PIGW: variants seen among roughly 807,000 people sequenced by gnomAD.
PIGW encodes the protein phosphatidylinositol glycan anchor biosynthesis class W.
A neutral mutation model predicts 34.0 loss-of-function variants in PIGW; 23 were observed. The observed-to-expected ratio is 0.68, with a 90% CI of 0.49 to 0.96. The LOEUF (loss-of-function observed/expected upper bound fraction) is 0.96. PIGW is among the 40% of genes least tolerant of loss of function. The pLI is 0.00. For missense variants in PIGW, 574 were observed against 586.3 expected (o/e 0.98, Z 0.22); for synonymous variants, 225 against 225.2 (o/e 1.00, Z 0.01).
Position 36,537,691 on chromosome 17 carries a change from A to C in PIGW, c.590A>C (p.His197Pro). 2 of 1,614,102 alleles carry C rather than the reference A, an allele frequency of 1.2e-6. No homozygotes were observed. The highest frequency in any genetic ancestry group is 1.7e-6 in the Non-Finnish European group (2 of 1,180,024). ...AAATATATGGAAGGGTCCAAATTGC[A>C]TTACTTTACAAACTCATTGTACTCT... ...RRKYMEGSKL[H>P]YFTNSLYSVW... is the part of the protein sequence containing the mutation. The change falls in exon 2 of 2, where the codon CAT becomes CCT. Residue 197 changes from histidine to proline, a missense_variant. His to Pro is a moderately conservative substitution (Grantham distance 77, BLOSUM62 -2). Transcript: ENST00000614443.
rs1400263762 is a variant in PIGW at position 36,538,350 on chromosome 17, C to G, written c.1249C>G (p.Pro417Ala). The G allele has an allele frequency of 1.9e-6, 3 of 1,614,022 alleles. No homozygotes were observed. The highest frequency in any genetic ancestry group is 2.7e-5 in the African/African-American group (2 of 74,914). ...VPCSWKLIQSPVTNKKHSESL... is the reference protein window; with the variant it reads ...VPCSWKLIQSAVTNKKHSESL... ...ATGTTCTTGGAAACTTATCCAGTCA[C>G]CTGTTACAAATAAAAAGCATTCAGA... The change falls in exon 2 of 2, where the codon CCT (proline) becomes GCT (alanine). Residue 417 changes from proline (P) to alanine (A), a missense_variant. Coordinates refer to ENST00000614443, the MANE Select transcript of PIGW (RefSeq NM_001346754.2).
At position 36,538,530 on chromosome 17, in the gene PIGW, T is replaced by C; in HGVS notation, c.1429T>C (p.Leu477=). ...ATTACACAGCAGTACCTTGTGGGCC[T>C]TATTTGTGGTCAATCTCTATATGTT... is the stretch of plus-strand genomic sequence containing the variant. The part of the protein sequence containing the change: ...DTLHSSTLWA[L]FVVNLYMFSN... Residue 477 remains leucine, a synonymous_variant, in exon 2 of 2, where the codon TTA becomes CTA. Transcript: ENST00000614443. 1 of 1,613,824 alleles carries C rather than the reference T, an allele frequency of 6.2e-7. No individual in the cohort carries two copies. Among genetic ancestry groups the C allele is most frequent in the Non-Finnish European group, 8.5e-7 (1 of 1,179,734 alleles).
At position 36,538,450 on chromosome 17, in the gene PIGW, T is replaced by C. The variant is rs770443806; in HGVS notation, c.1349T>C (p.Ile450Thr). ...LITALNRKQL[I>T]FFLLSNITTG... ...ACAGCTCTAAACAGAAAACAGTTAA[T>C]ATTTTTCTTGCTGTCAAATATAACA... The change falls in exon 2 of 2, where the codon ATA (isoleucine) becomes ACA (threonine). Residue 450 changes from isoleucine (I) to threonine (T), a missense_variant. By Grantham distance (89) the Ile-to-Thr change is moderately conservative. Transcript: ENST00000614443. 6.2e-6 allele frequency: 10 copies of C among 1,614,190 alleles called. No individual in the cohort carries two copies. Among genetic ancestry groups the C allele is most frequent in the Non-Finnish European group, 8.5e-6 (10 of 1,180,028 alleles).
At position 36,538,943 on chromosome 17, in the gene PIGW, G is replaced by A. The variant is rs2074179862; in HGVS notation, c.*327G>A. 1 of 198,786 alleles carries A rather than the reference G, an allele frequency of 5.0e-6. No homozygotes were observed. Among genetic ancestry groups the A allele is most frequent in the South Asian group, 1.4e-4 (1 of 7,376 alleles). The allele number at this position is 198,786 out of a possible 1,614,324, so 12.3% of individuals were successfully genotyped here. On this transcript the variant is annotated 3_prime_UTR_variant, in exon 2 of 2. Coordinates refer to ENST00000614443, the MANE Select transcript of PIGW (RefSeq NM_001346754.2). ...TAATTTTTATATTTTTAGTAGAGAT[G>A]GGGTTTTGCCATATTGGCCAGGCTG...
chr17:36,535,666 T>C (rs952322316), intron 1 of PIGW, 74 bp downstream of exon 1: 8 of 152,416 alleles, frequency 5.2e-5, no homozygotes, highest in African/African-American at 1.9e-4. Flanking sequence ...TTTTTATGTT[T>C]ATTTTTTAAG....
At chr17:36,536,704 G>T (rs573810422) in intron 1 of PIGW, among the ~76,000 whole-genome samples, 5 of 151,742 alleles carry the variant, frequency 3.3e-5, no homozygotes, top group South Asian at 2.1e-4. Context: ...TAGTAGAGAC[G>T]GGCTTTCACC....
intron 1 of PIGW, 24 bp downstream of exon 1, chr17:36,535,616 C>T (rs910360677): frequency 2.0e-5 from 3 of 152,182 alleles, no homozygotes; most frequent in African/African-American, 7.2e-5. Flanking sequence ...ACGGGTAGGG[C>T]GCGGCCAGGT....
In PIGW at chr17:36,538,745, C is replaced by A; in HGVS notation, c.*129C>A. Reference sequence around the variant, plus strand: ...AAAATAGTTTCAGTCATCTAAACAGCAGTGATGCTTAATTATTTTTTTTTT... The same window carrying A: ...AAAATAGTTTCAGTCATCTAAACAGAAGTGATGCTTAATTATTTTTTTTTT... On this transcript the variant is annotated 3_prime_UTR_variant, in exon 2 of 2. Transcript: ENST00000614443. 2.5e-6 allele frequency: 2 copies of A among 792,680 alleles called. No individual in the cohort carries two copies. Among genetic ancestry groups the A allele is most frequent in the Non-Finnish European group, 3.9e-6 (2 of 511,252 alleles). 49.1% of individuals were successfully genotyped at this position (792,680 alleles called of 1,614,324 possible). A position where few individuals can be genotyped will look rare whatever the true frequency, so the allele number is the denominator to read the frequency against.
chr17:36,538,137 G>A lies in PIGW; in HGVS notation c.1036G>A (p.Ala346Thr), dbSNP rs760113520. 6 of 1,613,944 alleles carry A rather than the reference G, an allele frequency of 3.7e-6. No homozygotes were observed. The highest frequency in any genetic ancestry group is 1.7e-5 in the Admixed American group (1 of 59,994). ...LIKVACFLLL[A>T]AISLFISLYV... ...AAAAGTAGCCTGTTTTCTTTTACTG[G>A]CAGCTATTAGCCTCTTCATATCTCT... is the stretch of plus-strand genomic sequence containing the variant. The change falls in exon 2 of 2, where the codon GCA (alanine) becomes ACA (threonine). Residue 346 changes from alanine to threonine, a missense_variant. Ala to Thr is a moderately conservative substitution (Grantham distance 58). Coordinates refer to ENST00000614443, the MANE Select transcript of PIGW (RefSeq NM_001346754.2).
At position 36,537,468 on chromosome 17, in the gene PIGW, T is replaced by C. The variant is rs1437179220; in HGVS notation, c.367T>C (p.Ser123Pro). Residue 123 changes from serine (S) to proline (P), a missense_variant, in exon 2 of 2, where the codon TCA becomes CCA. Coordinates refer to ENST00000614443, the MANE Select transcript of PIGW (RefSeq NM_001346754.2). Reference sequence around the variant, plus strand: ...AAAATTCTTGAACATCAGTCTAGAATCAGAATACAATCCAGCCATCTCCTG... The same window carrying C: ...AAAATTCTTGAACATCAGTCTAGAACCAGAATACAATCCAGCCATCTCCTG... ...LEKFLNISLE[S>P]EYNPAISCFR... The C allele has an allele frequency of 1.2e-6, 2 of 1,614,214 alleles. No homozygotes were observed. The highest frequency in any genetic ancestry group is 1.1e-5 in the South Asian group (1 of 91,076).
chr17:36,537,174 G>A lies in PIGW; in HGVS notation c.73G>A (p.Gly25Arg), dbSNP rs765983481. Residue 25 changes from glycine (G) to arginine (R), a missense_variant, in exon 2 of 2, where the codon GGA (glycine) becomes AGA (arginine). Transcript: ENST00000614443. Reference sequence around the variant, plus strand: ...AACCACCGTGCTGGAAATCACCCAGGGATTGTGCTTTCCTGCATTCTGTAT... The same window carrying A: ...AACCACCGTGCTGGAAATCACCCAGAGATTGTGCTTTCCTGCATTCTGTAT... ...NGTTVLEITQ[G>R]LCFPAFCILC... is the part of the protein sequence containing the mutation. The A allele has an allele frequency of 6.2e-7, 1 of 1,614,008 alleles. No individual in the cohort carries two copies.
chr17:36,538,494 A>C lies in PIGW; in HGVS notation c.1393A>C (p.Met465Leu). Reference protein sequence around the residue: ...SNITTGLINLMVDTLHSSTLW... With the variant: ...SNITTGLINLLVDTLHSSTLW... ...TATAACAACTGGCCTGATCAACCTGATGGTAGATACATTACACAGCAGTAC... is the reference window on the plus strand; with the variant it reads ...TATAACAACTGGCCTGATCAACCTGCTGGTAGATACATTACACAGCAGTAC... Residue 465 changes from methionine to leucine, a missense_variant, in exon 2 of 2, where the codon ATG becomes CTG. Physicochemically the swap from Met to Leu is conservative, Grantham distance 15. Transcript: ENST00000614443. The C allele has an allele frequency of 6.2e-7, 1 of 1,613,934 alleles. No individual in the cohort carries two copies. Among genetic ancestry groups the C allele is most frequent in the Non-Finnish European group, 8.5e-7 (1 of 1,179,802 alleles).
Position 36,538,631 on chromosome 17 carries a change from A to T in PIGW, c.*15A>T, listed in dbSNP as rs750274624. ...AATTTTGGTGATCAGCAGGAGTAGGATATATAAGTATTTGGGCAATATTTA... is the reference window on the plus strand; with the variant it reads ...AATTTTGGTGATCAGCAGGAGTAGGTTATATAAGTATTTGGGCAATATTTA... On this transcript the variant is annotated 3_prime_UTR_variant, in exon 2 of 2. Transcript: ENST00000614443. 8 of 1,527,686 alleles carry T rather than the reference A, an allele frequency of 5.2e-6. No individual in the cohort carries two copies. The South Asian group carries it at 9.7e-5, about 18-fold the overall frequency. The allele number at this position is 1,527,686 out of a possible 1,614,324, so 94.6% of individuals were successfully genotyped here. A position where few individuals can be genotyped will look rare whatever the true frequency, so the allele number is the denominator to read the frequency against.
In PIGW at chr17:36,537,480, C is replaced by G; in HGVS notation, c.379C>G (p.Pro127Ala). Residue 127 changes from proline to alanine, a missense_variant, in exon 2 of 2, where the codon CCA (proline) becomes GCA (alanine). Physicochemically the swap from Pro to Ala is conservative, Grantham distance 27 (BLOSUM62 -1). Coordinates refer to ENST00000614443, the MANE Select transcript of PIGW (RefSeq NM_001346754.2). ...LNISLESEYN[P>A]AISCFRVITS... ...CATCAGTCTAGAATCAGAATACAAT[C>G]CAGCCATCTCCTGTTTCCGTGTAAT... The G allele has an allele frequency of 6.2e-7, 1 of 1,614,154 alleles. No homozygotes were observed. The highest frequency in any genetic ancestry group is 8.5e-7 in the Non-Finnish European group (1 of 1,180,030).
Position 36,535,027 on chromosome 17 carries a change from C to T in PIGW, c.-574C>T, listed in dbSNP as rs904777983. Reference sequence around the variant, plus strand: ...CGCGCACGTGGCTTGGCCGGGACGCCTGGTCCGGCTTGCTGGCTTCAACTA... The same window carrying T: ...CGCGCACGTGGCTTGGCCGGGACGCTTGGTCCGGCTTGCTGGCTTCAACTA... On this transcript the variant is annotated 5_prime_UTR_variant, in exon 1 of 2. Transcript: ENST00000614443. 2 of 152,374 alleles carry T rather than the reference C, an allele frequency of 1.3e-5. No individual in the cohort carries two copies. The highest frequency in any genetic ancestry group is 2.9e-5 in the Non-Finnish European group (2 of 68,138). 9.4% of individuals were successfully genotyped at this position (152,374 alleles called of 1,614,324 possible).
In PIGW at chr17:36,538,726, G is replaced by A; in HGVS notation, c.*110G>A. 1.1e-6 allele frequency: 1 copy of A among 934,040 alleles called. No homozygotes were observed. The highest frequency in any genetic ancestry group is 1.6e-6 in the Non-Finnish European group (1 of 631,960). The allele number at this position is 934,040 out of a possible 1,614,324, so 57.9% of individuals were successfully genotyped here. A position where few individuals can be genotyped will look rare whatever the true frequency, so the allele number is the denominator to read the frequency against. The stretch of plus-strand genomic sequence containing the variant: ...GTTAACCATATTTTATTATAAAATA[G>A]TTTCAGTCATCTAAACAGCAGTGAT... On this transcript the variant is annotated 3_prime_UTR_variant, in exon 2 of 2. Coordinates refer to ENST00000614443, the MANE Select transcript of PIGW (RefSeq NM_001346754.2).
chr17:36,538,358 A>T lies in PIGW; in HGVS notation c.1257A>T (p.Thr419=), dbSNP rs775967256. 1 of 1,614,176 alleles carries T rather than the reference A, an allele frequency of 6.2e-7. No individual in the cohort carries two copies. The highest frequency in any genetic ancestry group is 1.7e-5 in the Admixed American group (1 of 60,024). ...CSWKLIQSPV[T]NKKHSESLVP... The stretch of plus-strand genomic sequence containing the variant: ...GGAAACTTATCCAGTCACCTGTTAC[A>T]AATAAAAAGCATTCAGAATCTCTAG... Residue 419 remains threonine (T), a synonymous_variant, in exon 2 of 2, where the codon ACA becomes ACT. Coordinates refer to ENST00000614443, the MANE Select transcript of PIGW (RefSeq NM_001346754.2).
chr17:36,535,654 T>C (rs1715246485), intron 1 of PIGW, 62 bp downstream of exon 1: 6 of 152,230 alleles, frequency 3.9e-5, no homozygotes, highest in Admixed American at 1.3e-4. Context: ...AAAGACTTTT[T>C]ATTTTTATGT....
rs1481195498 is a variant in PIGW, at chr17:36,538,759, T to G, written c.*143T>G. 1.3e-6 allele frequency: 1 copy of G among 758,052 alleles called. No homozygotes were observed. Among genetic ancestry groups the G allele is most frequent in the African/African-American group, 1.8e-5 (1 of 55,770 alleles). 47.0% of individuals were successfully genotyped at this position (758,052 alleles called of 1,614,324 possible). A position where few individuals can be genotyped will look rare whatever the true frequency, so the allele number is the denominator to read the frequency against. On this transcript the variant is annotated 3_prime_UTR_variant, in exon 2 of 2. Transcript: ENST00000614443. Reference sequence around the variant, plus strand: ...CATCTAAACAGCAGTGATGCTTAATTATTTTTTTTTTTGAGACAGAGTCTT... The same window carrying G: ...CATCTAAACAGCAGTGATGCTTAATGATTTTTTTTTTTGAGACAGAGTCTT...
Sources: gnomAD v4.1 joint callset for allele counts (sites outside exome capture counted in the v4.1 genomes callset) on GRCh38, gnomAD v4.1.1 for gene constraint, MANE v1.5 for transcripts, NCBI Gene and HGNC (gene_info 2026-07-23, HGNC 2026-07-21) for gene names.